The following SPATA31H1 variants were observed in gnomAD, a reference collection of about 807,000 sequenced individuals.
The protein encoded by SPATA31H1 is spermatogenesis-associated protein 31H1.
chr2:27,549,535 G>A, the SPATA31H1 span, among the ~76,000 whole-genome samples: 1 of 151,704 alleles, frequency 6.6e-6, no homozygotes, highest in African/African-American at 2.4e-5. Flanking sequence ...GAGGCCAGGT[G>A]TGGTGGCTCA....
the SPATA31H1 span, chr2:27,574,861 G>C: frequency 2.5e-6 from 1 of 398,452 alleles, no homozygotes; most frequent in East Asian, 3.6e-5. Flanking sequence ...ATGGAGTTCA[G>C]TTCTGGATCA....
the SPATA31H1 span, chr2:27,582,139 C>A: frequency 1.2e-6 from 2 of 1,613,790 alleles, no homozygotes; most frequent in Non-Finnish European, 1.7e-6. Context: ...CACCTCAGTC[C>A]CTTGGAAAGA....
chr2:27,549,068 G>A, the SPATA31H1 span, among the ~76,000 whole-genome samples: 21 of 110,380 alleles, frequency 1.9e-4, no homozygotes, highest in African/African-American at 4.4e-4. Context: ...GTGAGACTCC[G>A]TCTCAAAAAA....
the SPATA31H1 span, chr2:27,580,572 A>T: frequency 6.2e-7 from 1 of 1,614,244 alleles, no homozygotes; most frequent in Non-Finnish European, 8.5e-7. Context: ...TCAGACAAGT[A>T]CTGCCTCTTT....
the SPATA31H1 span, among the ~76,000 whole-genome samples, chr2:27,563,575 T>G: frequency 1.3e-5 from 2 of 151,146 alleles, no homozygotes; most frequent in Non-Finnish European, 2.9e-5. Context: ...TTTTTTTTTT[T>G]TTGAGACTGA....
At chr2:27,580,435 A>T in the SPATA31H1 span, 1 of 1,614,184 alleles carries the variant, frequency 6.2e-7, no homozygotes. Flanking sequence ...GATTCAAAAT[A>T]TCCAATGAAG....
chr2:27,541,327 T>C, the SPATA31H1 span, among the ~76,000 whole-genome samples: 1 of 150,814 alleles, frequency 6.6e-6, no homozygotes, highest in African/African-American at 2.5e-5. Flanking sequence ...GAGGCTGCAG[T>C]GAGCCGAGAT....
At chr2:27,578,531 A>C in the SPATA31H1 span, 3 of 1,614,084 alleles carry the variant, frequency 1.9e-6, no homozygotes, top group Non-Finnish European at 2.5e-6. Context: ...CTCCAAGTCC[A>C]TGTACTCAAG....
At chr2:27,563,002 T>A in the SPATA31H1 span, among the ~76,000 whole-genome samples, 9 of 152,170 alleles carry the variant, frequency 5.9e-5, no homozygotes, top group African/African-American at 1.7e-4. Context: ...TTTTTTAGAA[T>A]TTTACAGTTT....
At chr2:27,572,844 G>C in the SPATA31H1 span, 1 of 397,810 alleles carries the variant, frequency 2.5e-6, no homozygotes, top group African/African-American at 2.1e-5. Context: ...AACATCTATG[G>C]AGTTTAACCT....
the SPATA31H1 span, among the ~76,000 whole-genome samples, chr2:27,553,881 C>T: frequency 6.6e-6 from 1 of 151,848 alleles, no homozygotes; most frequent in Non-Finnish European, 1.5e-5. Context: ...GAGATCACAC[C>T]ACTGCACTCC....
the SPATA31H1 span, chr2:27,579,708 A>G: frequency 1.2e-6 from 2 of 1,614,156 alleles, no homozygotes; most frequent in Non-Finnish European, 8.5e-7. Context: ...TCTTGTTCCA[A>G]TGGAAGAAAG....
the SPATA31H1 span, among the ~76,000 whole-genome samples, chr2:27,539,790 G>A: frequency 1.9e-5 from 1 of 52,610 alleles, no homozygotes; most frequent in African/African-American, 9.1e-5. Flanking sequence ...CAGGCAGAGG[G>A]GTCCTCACTT....
the SPATA31H1 span, chr2:27,569,032 C>G: frequency 2.5e-6 from 1 of 398,958 alleles, no homozygotes; most frequent in Non-Finnish European, 4.4e-6. Flanking sequence ...ATTGGGTTGA[C>G]ACAACCATCT....
At chr2:27,575,687 C>T in the SPATA31H1 span, 1 of 398,536 alleles carries the variant, frequency 2.5e-6, no homozygotes, top group Non-Finnish European at 4.4e-6. The surrounding 1 kb of genome is among the most constrained non-coding windows in gnomAD (Gnocchi z 4.1). Flanking sequence ...CTGGGAGCAA[C>T]TGTGGGCTAC....
the SPATA31H1 span, chr2:27,567,126 C>T: frequency 1.5e-6 from 1 of 688,346 alleles, no homozygotes; most frequent in Non-Finnish European, 2.7e-6. Flanking sequence ...TTCTGAACCC[C>T]TAAATATCTG....
At chr2:27,560,058 G>C in the SPATA31H1 span, among the ~76,000 whole-genome samples, 4 of 151,110 alleles carry the variant, frequency 2.6e-5, no homozygotes, top group African/African-American at 9.7e-5. Context: ...AGTAGAGATG[G>C]GGTTTCACCA....
the SPATA31H1 span, chr2:27,571,129 G>C: frequency 2.5e-6 from 1 of 398,444 alleles, no homozygotes; most frequent in Non-Finnish European, 4.4e-6. Flanking sequence ...CCACATTTGG[G>C]AGATGTGAAA....
At chr2:27,558,044 AC>A in the SPATA31H1 span, among the ~76,000 whole-genome samples, 13 of 3,120 alleles carry the variant, frequency 4.2e-3, no homozygotes, top group Non-Finnish European at 8.7e-3. Context: ...CGGGGGGCTG[AC>A]CCCCCCCACC....
Sources: gnomAD v4.1 joint callset for allele counts (sites outside exome capture counted in the v4.1 genomes callset) on GRCh38, gnomAD v4.1.1 for gene constraint, Gnocchi (gnomAD v3.1) non-coding constraint, MANE v1.5 for transcripts, NCBI Gene and HGNC (gene_info 2026-07-23, HGNC 2026-07-21) for gene names.